CUX2: variants seen among roughly 807,000 people sequenced by gnomAD.
The protein encoded by CUX2 is homeobox protein cut-like 2.
In CUX2, 40 loss-of-function variants were observed where a neutral mutation model predicts 144.8. The observed-to-expected ratio is 0.28, with a 90% CI of 0.21 to 0.36. The LOEUF is 0.36. CUX2 is among the 10% of genes least tolerant of loss of function. The probability of loss-of-function intolerance (pLI) is 1.00; values close to 1 mark genes in which losing one functional copy is unlikely to be tolerated. For missense variants in CUX2, 1,615 were observed against 1,994.0 expected (o/e 0.81, Z 3.62); for synonymous variants, 827 against 875.6 (o/e 0.94, Z 0.98).
chr12:111,330,541 T>C (rs10849936), intron 18 of CUX2, among the ~76,000 whole-genome samples: 17,598 of 150,788 alleles, frequency 0.12, 1,947 homozygotes, highest in East Asian at 0.66. Context: ...TCACTTGAGA[T>C]CATGAGCATT....
At position 111,307,991 on chromosome 12, in the gene CUX2, G is replaced by T. The variant is rs1467268876; in HGVS notation, c.1110-294G>T. The stretch of plus-strand genomic sequence containing the variant: ...CAAAGAAAAAAAGAAGCTGCCTGTA[G>T]ACCATACAAGGGAACTTATTATAGG... On this transcript the variant is annotated intron_variant, in intron 12 of 21. Transcript: ENST00000261726. The surrounding 1 kb of genome is among the most constrained non-coding windows in gnomAD (Gnocchi z 4.1). 1.3e-5 allele frequency among the ~76,000 whole-genome samples: 2 copies of T among 152,140 alleles called. No homozygotes were observed. Among genetic ancestry groups the T allele is most frequent in the African/African-American group, 4.8e-5 (2 of 41,422 alleles).
intron 1 of CUX2, among the ~76,000 whole-genome samples, chr12:111,200,209 C>T (rs1328665625): frequency 6.6e-6 from 1 of 152,022 alleles, no homozygotes; most frequent in Non-Finnish European, 1.5e-5. Context: ...TGGATCTGCA[C>T]CTGCCCTGTG....
chr12:111,273,721 T>C (rs996436675), intron 4 of CUX2, among the ~76,000 whole-genome samples: 2 of 152,144 alleles, frequency 1.3e-5, no homozygotes, highest in Non-Finnish European at 2.9e-5. Flanking sequence ...AGACTCCAGG[T>C]TGAAGAACCT....
chr12:111,214,363 T>C (rs893361076), intron 2 of CUX2, 53 bp downstream of exon 2: 2 of 1,078,040 alleles, frequency 1.9e-6, no homozygotes, highest in Non-Finnish European at 2.8e-6. Context: ...CAGATTTCTC[T>C]CCATTCAAAC....
chr12:111,088,692 C>T (rs1872384433), intron 1 of CUX2, among the ~76,000 whole-genome samples: 1 of 152,174 alleles, frequency 6.6e-6, no homozygotes. Context: ...AGACAGCTGG[C>T]AAATGGTAGA....
intron 3 of CUX2, among the ~76,000 whole-genome samples, chr12:111,259,605 T>C (rs1439451429): frequency 6.6e-6 from 1 of 152,146 alleles, no homozygotes; most frequent in Non-Finnish European, 1.5e-5. Context: ...GCCTCACACC[T>C]GTATTCCCAT....
intron 1 of CUX2, among the ~76,000 whole-genome samples, chr12:111,093,904 G>C (rs1463837316): frequency 1.3e-5 from 2 of 152,238 alleles, no homozygotes. Context: ...CGGATCTCAA[G>C]CTTCCTGAAA....
rs751729144 is a variant in CUX2, at chr12:111,334,559, A to G, written c.3045A>G (p.Pro1015=). The G allele has an allele frequency of 1.9e-6, 3 of 1,613,776 alleles. No homozygotes were observed. Among genetic ancestry groups the G allele is most frequent in the South Asian group, 2.2e-5 (2 of 91,050 alleles). Residue 1015 remains proline (P), a synonymous_variant, in exon 19 of 22, where the codon CCA becomes CCG. Transcript: ENST00000261726. The part of the protein sequence containing the change: ...SLESSKENQQ[P]EGRSSSSLSG... The stretch of plus-strand genomic sequence containing the variant: ...AGAGCAGCAAGGAGAACCAGCAGCC[A>G]GAGGGCCGCTCCAGCTCCTCGTTGA...
intron 1 of CUX2, among the ~76,000 whole-genome samples, chr12:111,064,593 A>G (rs1566196837): frequency 6.6e-6 from 1 of 152,174 alleles, no homozygotes; most frequent in Non-Finnish European, 1.5e-5. Flanking sequence ...AGCATTTTGC[A>G]TGTAGTTTCA....
intron 3 of CUX2, among the ~76,000 whole-genome samples, chr12:111,261,216 G>A (rs555996055): frequency 6.6e-6 from 1 of 152,308 alleles, no homozygotes; most frequent in East Asian, 1.9e-4. Flanking sequence ...GTGGCTTGAC[G>A]TCCTTGAGCC....
At chr12:111,285,617 C>T (rs1356236521) in intron 4 of CUX2, among the ~76,000 whole-genome samples, 1 of 152,194 alleles carries the variant, frequency 6.6e-6, no homozygotes, top group East Asian at 1.9e-4. Flanking sequence ...CCCATTCTGC[C>T]AAGCAGGGCC....
Position 111,320,550 on chromosome 12 carries a change from C to A in CUX2, c.2541C>A (p.Pro847=). ...EAAAGAEDEP[P]RTGELKAEGA... ...CGGCAGGGGCGGAGGACGAACCCCC[C>A]AGGACGGGCGAGCTCAAGGCTGAGG... The change falls in exon 17 of 22, where the codon CCC becomes CCA. Residue 847 remains proline, a synonymous_variant. Coordinates refer to ENST00000261726, the MANE Select transcript of CUX2 (RefSeq NM_015267.4). This position sits in a 1 kb window ranked among gnomAD's most constrained non-coding sequence, Gnocchi z 8.1. The A allele has an allele frequency of 6.5e-7, 1 of 1,541,016 alleles. No individual in the cohort carries two copies. Among genetic ancestry groups the A allele is most frequent in the Non-Finnish European group, 8.7e-7 (1 of 1,151,598 alleles).
chr12:111,066,465 T>C (rs780026338), intron 1 of CUX2, among the ~76,000 whole-genome samples: 1 of 152,232 alleles, frequency 6.6e-6, no homozygotes, highest in Non-Finnish European at 1.5e-5. Context: ...TCACTTACCC[T>C]GGGGTCTGAG....
chr12:111,104,206 A>C (rs1873446774), intron 1 of CUX2, among the ~76,000 whole-genome samples: 1 of 152,052 alleles, frequency 6.6e-6, no homozygotes, highest in African/African-American at 2.4e-5. Context: ...CACCATGTTC[A>C]TGTTAGGTAG....
intron 1 of CUX2, among the ~76,000 whole-genome samples, chr12:111,156,614 A>G (rs1306423784): frequency 6.6e-6 from 1 of 152,146 alleles, no homozygotes; most frequent in Non-Finnish European, 1.5e-5. Context: ...CAGATGCCCA[A>G]AGCTGAGGAA....
At chr12:111,309,751 C>T (rs1285091733) in intron 14 of CUX2, among the ~76,000 whole-genome samples, 1 of 151,394 alleles carries the variant, frequency 6.6e-6, no homozygotes, top group Non-Finnish European at 1.5e-5. Flanking sequence ...ATCTCTCTCT[C>T]TCTCTCTCAT....
At chr12:111,155,691 A>G (rs892900597) in intron 1 of CUX2, among the ~76,000 whole-genome samples, 1 of 152,164 alleles carries the variant, frequency 6.6e-6, no homozygotes, top group Admixed American at 6.5e-5. Context: ...TAAACCGCAC[A>G]CACCAACTCC....
intron 1 of CUX2, among the ~76,000 whole-genome samples, chr12:111,155,313 A>C (rs1024264454): frequency 1.3e-5 from 2 of 152,186 alleles, no homozygotes; most frequent in Non-Finnish European, 2.9e-5. Flanking sequence ...GAATGAATGG[A>C]AAAAAAGAGT....
intron 1 of CUX2, among the ~76,000 whole-genome samples, chr12:111,049,274 CATCT>C (rs1287469294): frequency 5.9e-5 from 9 of 152,170 alleles, no homozygotes; most frequent in Admixed American, 1.3e-4. Flanking sequence ...CCCACCCATT[CATCT>C]ATCCATTCAT....
Sources: allele counts gnomAD v4.1 joint callset (sites outside exome capture counted in the v4.1 genomes callset), GRCh38; gene constraint gnomAD v4.1.1; non-coding constraint Gnocchi (gnomAD v3.1); transcripts MANE v1.5; gene names NCBI Gene and HGNC (gene_info 2026-07-23, HGNC 2026-07-21).